TH: variants seen among roughly 807,000 people sequenced by gnomAD.
The protein encoded by TH is tyrosine hydroxylase.
A neutral mutation model predicts 57.4 loss-of-function variants in TH; 49 were observed. The ratio of observed to expected loss-of-function variants is 0.85; its 90% CI spans 0.68 to 1.08. The LOEUF (loss-of-function observed/expected upper bound fraction) is 1.08. Among genes scored for constraint, TH ranks in the 50% least tolerant of loss-of-function variants. TH has a pLI of 0.00. For synonymous variants in TH, 330 were observed against 304.5 expected (o/e 1.08, Z -0.87); for missense variants, 720 against 696.7 (o/e 1.03, Z -0.38).
At chr11:2,168,262 A>C in intron 3 of TH, 83 bp from the exon 4 acceptor site, 1 of 1,497,500 alleles carries the variant, frequency 6.7e-7, no homozygotes, top group Admixed American at 1.7e-5. Flanking sequence ...CCTCCCCTAC[A>C]AGACTTCCGG....
intron 5 of TH, 187 bp downstream of exon 5, chr11:2,167,679 C>A (rs1846136878): frequency 4.7e-6 from 5 of 1,068,958 alleles, no homozygotes; most frequent in Non-Finnish European, 6.8e-6. Flanking sequence ...GTTGCTCTAG[C>A]CCCCCTGGGC....
chr11:2,167,833 G>C (rs756923199), intron 5 of TH, 33 bp downstream of exon 5: 1 of 1,575,712 alleles, frequency 6.3e-7, no homozygotes, highest in South Asian at 1.2e-5. Context: ...CCTGCAGGAC[G>C]GAGTCTGGGT....
chr11:2,166,811 G>A, intron 7 of TH, 43 bp from the exon 8 acceptor site: 1 of 1,551,600 alleles, frequency 6.4e-7, no homozygotes. Context: ...GGGACGGGCT[G>A]GAGCCGCGCT....
chr11:2,164,995 ACTGG>A (rs1564916108), intron 12 of TH, among the ~76,000 whole-genome samples: 1 of 152,040 alleles, frequency 6.6e-6, no homozygotes, highest in African/African-American at 2.4e-5. Context: ...CACCTCCAAG[ACTGG>A]CCTTGACCCG....
At chr11:2,168,332 C>G (rs545034119) in intron 3 of TH, among the ~76,000 whole-genome samples, 153 bp from the exon 4 acceptor site, 1 of 152,062 alleles carries the variant, frequency 6.6e-6, no homozygotes, top group Non-Finnish European at 1.5e-5. Context: ...GCCCCAGGCC[C>G]GGACACGGAT....
chr11:2,170,040 G>A lies in TH; in HGVS notation c.91-169C>T, dbSNP rs1008698239. 1.3e-5 allele frequency among the ~76,000 whole-genome samples: 2 copies of A among 152,220 alleles called. No homozygotes were observed. Among genetic ancestry groups the A allele is most frequent in the African/African-American group, 4.8e-5 (2 of 41,458 alleles). On this transcript the variant is annotated intron_variant, in intron 1 of 12. Coordinates refer to ENST00000352909, the MANE Select transcript of TH (RefSeq NM_000360.4). This position sits in a 1 kb window ranked among gnomAD's most constrained non-coding sequence, Gnocchi z 6.0. ...TGCTGGGGCAGATGCTAGCCGAGGTGCCTGCGGGCATTGCACGCCCTTCCC... is the reference window on the plus strand; with the variant it reads ...TGCTGGGGCAGATGCTAGCCGAGGTACCTGCGGGCATTGCACGCCCTTCCC...
At chr11:2,165,467 A>AC (rs1846063077) in intron 11 of TH, 102 bp from the exon 12 acceptor site, 3 of 1,550,872 alleles carry the variant, frequency 1.9e-6, no homozygotes, top group East Asian at 2.3e-5. Context: ...GGGTAGAGTC[A>AC]CCCCCATCTC....
At chr11:2,169,084 G>A (rs971009037) in intron 2 of TH, among the ~76,000 whole-genome samples, 5 of 152,162 alleles carry the variant, frequency 3.3e-5, no homozygotes, top group African/African-American at 1.2e-4. Context: ...GGCCAGAAGG[G>A]TCCGCTCCAC....
intron 2 of TH, among the ~76,000 whole-genome samples, chr11:2,169,432 C>T (rs1048666589): frequency 2.6e-5 from 4 of 152,136 alleles, no homozygotes; most frequent in African/African-American, 7.2e-5. Context: ...GCTTGGTAGC[C>T]TCAGCCCTAG....
rs552875979 is a variant in TH at position 2,165,584 on chromosome 11, C to T, written c.1200+84G>A. 2.2e-4 allele frequency: 323 copies of T among 1,475,506 alleles called. 1 individual carries two copies. In the South Asian group the frequency reaches 3.7e-3, roughly 17 times the overall value. The allele number at this position is 1,475,506 out of a possible 1,614,324, so 91.4% of individuals were successfully genotyped here. A position where few individuals can be genotyped will look rare whatever the true frequency, so the allele number is the denominator to read the frequency against. On this transcript the variant is annotated intron_variant, in intron 11 of 12. Transcript: ENST00000352909. ...TCCTGGAGGTCCAGGCCTCAGTTTC[C>T]TCCCACTGGGAGCCTGTCCCCTCCC...
chr11:2,167,182 T>C, intron 6 of TH, 150 bp from the exon 7 acceptor site: 4 of 1,240,896 alleles, frequency 3.2e-6, no homozygotes, highest in Non-Finnish European at 4.4e-6. Context: ...GGAGGGGCTT[T>C]TGCTGGTGGC....
chr11:2,165,804 C>G (rs369585867), intron 10 of TH, 41 bp from the exon 11 acceptor site: 2 of 1,592,838 alleles, frequency 1.3e-6, no homozygotes, highest in Admixed American at 3.5e-5. Flanking sequence ...AGACAGCTGC[C>G]GCCCACCGGG....
At chr11:2,167,998 C>A (rs2133696036) in intron 4 of TH, 65 bp from the exon 5 acceptor site, 3 of 1,609,700 alleles carry the variant, frequency 1.9e-6, no homozygotes, top group East Asian at 2.2e-5. Context: ...GCCACGGAGG[C>A]TCCTGGAGCC....
intron 2 of TH, among the ~76,000 whole-genome samples, chr11:2,169,255 G>A (rs1272067797): frequency 1.3e-5 from 2 of 152,096 alleles, no homozygotes; most frequent in African/African-American, 4.8e-5. Context: ...CAGTGGGGCC[G>A]GAGTGACTAA....
Position 2,170,799 on chromosome 11 carries a change from TGGTGGGGGAGGGTAGGGGAG to T in TH, c.90+878_90+897del. On this transcript the variant is annotated intron_variant, in intron 1 of 12. Coordinates refer to ENST00000352909, the MANE Select transcript of TH (RefSeq NM_000360.4). This position sits in a 1 kb window ranked among gnomAD's most constrained non-coding sequence, Gnocchi z 6.0. Reference sequence around the variant, plus strand: ...GGGAGGGGATGCCTGATGGGGAGCCTGGTGGGGGAGGGTAGGGGAGGGCGGGGGAGGACGGGGGAGGGCGC... The same window carrying T: ...GGGAGGGGATGCCTGATGGGGAGCCTGGCGGGGGAGGACGGGGGAGGGCGC... 1 of 85,074 alleles carries T rather than the reference TGGTGGGGGAGGGTAGGGGAG, an allele frequency of 1.2e-5. No homozygotes were observed. Among genetic ancestry groups the T allele is most frequent in the Non-Finnish European group, 1.7e-5 (1 of 58,058 alleles). The allele number at this position is 85,074 out of a possible 1,614,324, so 5.3% of individuals were successfully genotyped here.
At position 2,166,124 on chromosome 11, in the gene TH, C is replaced by T; in HGVS notation, c.1048-66G>A. The T allele has an allele frequency of 3.3e-6, 5 of 1,517,490 alleles. No individual in the cohort carries two copies. In the South Asian group the frequency reaches 3.6e-5, roughly 11 times the overall value. The allele number at this position is 1,517,490 out of a possible 1,614,324, so 94.0% of individuals were successfully genotyped here. On this transcript the variant is annotated intron_variant, in intron 9 of 12. Coordinates refer to ENST00000352909, the MANE Select transcript of TH (RefSeq NM_000360.4). ...TGGGTCATGCTCGAGGTGGGGGCACCGGGGGTGTCAGCAGCCCCTCCAGGG... is the reference window on the plus strand; with the variant it reads ...TGGGTCATGCTCGAGGTGGGGGCACTGGGGGTGTCAGCAGCCCCTCCAGGG...
chr11:2,169,920 G>A (rs1376233305), intron 1 of TH, 49 bp from the exon 2 acceptor site: 4 of 1,562,398 alleles, frequency 2.6e-6, no homozygotes, highest in Non-Finnish European at 2.6e-6. Context: ...TGAGACCCGG[G>A]GACCTCCACC....
chr11:2,167,490 G>A lies in TH; in HGVS notation c.645-5C>T. 2 of 1,557,746 alleles carry A rather than the reference G, an allele frequency of 1.3e-6. No homozygotes were observed. Among genetic ancestry groups the A allele is most frequent in the Non-Finnish European group, 1.7e-6 (2 of 1,150,746 alleles). On this transcript the variant is annotated splice_polypyrimidine_tract_variant and splice_region_variant and intron_variant, in intron 5 of 12. Coordinates refer to ENST00000352909, the MANE Select transcript of TH (RefSeq NM_000360.4). ...ACACGGGGAATCGGGTCGCCGCTGG[G>A]GAGGGGGCCAGTGGTCAGCAGGTCC...
At chr11:2,167,223 G>T in intron 6 of TH, 191 bp from the exon 7 acceptor site, 1 of 998,488 alleles carries the variant, frequency 1.0e-6, no homozygotes, top group Non-Finnish European at 1.5e-6. Flanking sequence ...AGGGGGCCAT[G>T]AGGGGCGGTC....
Sources: gnomAD v4.1 joint callset for allele counts (sites outside exome capture counted in the v4.1 genomes callset) on GRCh38, gnomAD v4.1.1 for gene constraint, Gnocchi (gnomAD v3.1) non-coding constraint, MANE v1.5 for transcripts, NCBI Gene and HGNC (gene_info 2026-07-23, HGNC 2026-07-21) for gene names.